Variants in PPFIBP2 observed in about 807,000 individuals in gnomAD.
The protein encoded by PPFIBP2 is liprin-beta-2.
A neutral mutation model predicts 118.3 loss-of-function variants in PPFIBP2; 118 were observed. That is an observed-to-expected ratio of 1.00 (90% CI 0.86 to 1.16). PPFIBP2 has a LOEUF of 1.16. Ranked by LOEUF, PPFIBP2 falls within the 50% of genes most tolerant of loss-of-function variation. PPFIBP2 has a pLI of 0.00. For synonymous variants in PPFIBP2, 414 were observed against 397.4 expected, an observed-to-expected ratio of 1.04 and a Z score of -0.50; for missense variants, 1,195 against 1,073.1, an observed-to-expected ratio of 1.11 and a Z score of -1.59.
In PPFIBP2 at chr11:7,651,374, G is replaced by A. The variant is rs191840920; in HGVS notation, c.2248-282G>A. ...GGGAAATGAGGAAGTGTGGTGGCTT[G>A]GATGTCATCCAGAGAAGATCCTGAG... On this transcript the variant is annotated intron_variant, in intron 22 of 23. Transcript: ENST00000299492. The A allele has an allele frequency of 5.0e-4, 202 of 404,580 alleles. 1 individual carries two copies. Among genetic ancestry groups the A allele is most frequent in the Non-Finnish European group, 7.6e-4 (170 of 225,068 alleles). The allele number at this position is 404,580 out of a possible 1,614,324, so 25.1% of individuals were successfully genotyped here.
At chr11:7,535,686 C>T (rs1341481329) in intron 1 of PPFIBP2, among the ~76,000 whole-genome samples, 4 of 152,348 alleles carry the variant, frequency 2.6e-5, no homozygotes, top group South Asian at 2.1e-4. Context: ...TTCGGGCCGG[C>T]TCCAATTTGG....
chr11:7,634,545 TG>T lies in PPFIBP2; in HGVS notation c.1189del (p.Asp397IlefsTer13), dbSNP rs1851204957. The stretch of plus-strand genomic sequence containing the variant: ...CTAGAAGACTTGAGAAGTGAATCTG[TG>T]GATAAGGTCGGCTCATCAACCTATC... ...CSLEDLRSES[V>X]DKCMDGNQPF... On this transcript the variant is annotated frameshift_variant, in exon 13 of 24. Coordinates refer to ENST00000299492, the MANE Select transcript of PPFIBP2 (RefSeq NM_003621.5). LOFTEE classifies it high-confidence loss of function. The T allele has an allele frequency of 6.2e-7, 1 of 1,613,172 alleles. No individual in the cohort carries two copies. The highest frequency in any genetic ancestry group is 1.7e-5 in the Admixed American group (1 of 59,990).
At chr11:7,536,157 G>A (rs1436455231) in intron 1 of PPFIBP2, among the ~76,000 whole-genome samples, 2 of 152,170 alleles carry the variant, frequency 1.3e-5, no homozygotes, top group African/African-American at 4.8e-5. Flanking sequence ...TCTTGCCCTG[G>A]GACATATAGT....
At chr11:7,663,683 G>A in the PPFIBP2 span, among the ~76,000 whole-genome samples, 1 of 152,240 alleles carries the variant, frequency 6.6e-6, no homozygotes, top group South Asian at 2.1e-4. Context: ...CACCCAGTTC[G>A]AGCTTCCCGG....
At chr11:7,541,264 G>A (rs2093186305) in intron 1 of PPFIBP2, among the ~76,000 whole-genome samples, 1 of 152,240 alleles carries the variant, frequency 6.6e-6, no homozygotes, top group African/African-American at 2.4e-5. Context: ...AAAGTTTGAG[G>A]ACCACGAGAT....
chr11:7,627,601 A>C (rs1850197469), intron 8 of PPFIBP2, among the ~76,000 whole-genome samples: 1 of 152,244 alleles, frequency 6.6e-6, no homozygotes, highest in Non-Finnish European at 1.5e-5. Context: ...TAAGGAATCA[A>C]CAGAGTCCCT....
In PPFIBP2 at chr11:7,625,886, A is replaced by G; in HGVS notation, c.821A>G (p.Glu274Gly). The G allele has an allele frequency of 6.2e-7, 1 of 1,613,560 alleles. No individual in the cohort carries two copies. The highest frequency in any genetic ancestry group is 1.1e-5 in the South Asian group (1 of 91,060). ...GCTCTCCACAGTGAGAGTCACACAG[A>G]GAGAGGTGACTAGCTTGACTCTGAC... ...TAALHSESHTERDQEIQRLKM... is the reference protein window; with the variant it reads ...TAALHSESHTGRDQEIQRLKM... The change falls in exon 8 of 24, where the codon GAG (glutamate) becomes GGG (glycine). Residue 274 changes from glutamate (E) to glycine (G), a missense_variant. Transcript: ENST00000299492.
chr11:7,600,144 C>G (rs1861165148), intron 5 of PPFIBP2, among the ~76,000 whole-genome samples: 2 of 152,134 alleles, frequency 1.3e-5, no homozygotes, highest in African/African-American at 2.4e-5. Context: ...TCATTGTATT[C>G]TCTCAAACTG....
chr11:7,514,558 G>A (rs1316359156), intron 1 of PPFIBP2, among the ~76,000 whole-genome samples: 2 of 152,232 alleles, frequency 1.3e-5, no homozygotes, highest in Non-Finnish European at 2.9e-5. Flanking sequence ...GCAATTCTCT[G>A]GTGGACACAG....
At chr11:7,570,052 G>A (rs1019915407) in intron 3 of PPFIBP2, among the ~76,000 whole-genome samples, 2 of 152,170 alleles carry the variant, frequency 1.3e-5, no homozygotes, top group African/African-American at 2.4e-5. Flanking sequence ...AGAAGGACCC[G>A]GTACAACTGT....
At chr11:7,665,107 T>G in the PPFIBP2 span, 1 of 303,490 alleles carries the variant, frequency 3.3e-6, no homozygotes, top group Non-Finnish European at 6.1e-6. Flanking sequence ...GGCTGTCTGC[T>G]TTGTACTTGA....
At chr11:7,590,757 T>C (rs1285037201) in intron 3 of PPFIBP2, among the ~76,000 whole-genome samples, 1 of 152,234 alleles carries the variant, frequency 6.6e-6, no homozygotes, top group African/African-American at 2.4e-5. Flanking sequence ...CTTTCACCTT[T>C]GGCCCATATT....
intron 7 of PPFIBP2, among the ~76,000 whole-genome samples, chr11:7,624,678 G>A (rs962611925): frequency 6.6e-6 from 1 of 152,238 alleles, no homozygotes; most frequent in African/African-American, 2.4e-5. Flanking sequence ...GATGCTGAGA[G>A]AATTGAACCG....
At chr11:7,654,166 A>G (rs1854468568), downstream of PPFIBP2, among the ~76,000 whole-genome samples, 1 of 152,110 alleles carries the variant, frequency 6.6e-6, no homozygotes. Context: ...TCTATTACTG[A>G]CTTAGCTAGG....
intron 2 of PPFIBP2, among the ~76,000 whole-genome samples, chr11:7,549,998 C>A (rs1852781809): frequency 6.6e-6 from 1 of 152,140 alleles, no homozygotes. Flanking sequence ...ATTAATGATT[C>A]AAATTTTCTT....
intron 11 of PPFIBP2, among the ~76,000 whole-genome samples, chr11:7,631,776 C>G (rs772647661): frequency 1.4e-4 from 22 of 152,146 alleles, no homozygotes; most frequent in African/African-American, 5.3e-4. Flanking sequence ...ACAAGCACCC[C>G]AGATTGCTGG....
Position 7,537,339 on chromosome 11 carries a change from T to TC in PPFIBP2, c.-36-12094dup, listed in dbSNP as rs200205193. On this transcript the variant is annotated intron_variant, in intron 1 of 23. Coordinates refer to ENST00000299492, the MANE Select transcript of PPFIBP2 (RefSeq NM_003621.5). ...AAAACAAAAATGAGGACACTTTTTT[T>TC]CCCCCCCACAGAGGCAGCAGCTTCT... Among the ~76,000 whole-genome samples, 769 of 151,878 alleles carry TC rather than the reference T, an allele frequency of 5.1e-3. 5 individuals carry two copies. The highest frequency in any genetic ancestry group is 0.015 in the African/African-American group (610 of 41,332).
intron 1 of PPFIBP2, among the ~76,000 whole-genome samples, chr11:7,520,887 G>T (rs887139009): frequency 1.3e-5 from 2 of 152,168 alleles, no homozygotes; most frequent in African/African-American, 4.8e-5. Context: ...GGAAAGGTGG[G>T]CTTTATCCTT....
intron 2 of PPFIBP2, among the ~76,000 whole-genome samples, chr11:7,557,193 A>T: frequency 6.6e-6 from 1 of 151,332 alleles, no homozygotes; most frequent in Non-Finnish European, 1.5e-5. Context: ...CTCATCTGCT[A>T]TTTAACCTGT....
Sources: allele counts gnomAD v4.1 joint callset (sites outside exome capture counted in the v4.1 genomes callset), GRCh38; gene constraint gnomAD v4.1.1; transcripts MANE v1.5; gene names NCBI Gene and HGNC (gene_info 2026-07-23, HGNC 2026-07-21).